The following NALF1 variants were observed in gnomAD, a reference collection of about 807,000 sequenced individuals.
NALF1 encodes the protein NALCN channel auxiliary factor 1, also known as family with sequence similarity 155 member A.
Under a neutral mutation model 48.4 loss-of-function variants are expected in NALF1, and 3 were observed. The observed-to-expected ratio is 0.06, with a 90% CI of 0.03 to 0.16. The LOEUF is 0.16. Among genes scored for constraint, NALF1 ranks in the 10% least tolerant of loss-of-function variants. The pLI, the probability that NALF1 is intolerant of heterozygous loss-of-function variation, is 1.00. For synonymous variants in NALF1, 262 were observed against 245.7 expected (o/e 1.07, Z -0.62); for missense variants, 526 against 571.5 (o/e 0.92, Z 0.81).
intron 1 of NALF1, among the ~76,000 whole-genome samples, chr13:107,613,002 G>GAAA (rs5806669): frequency 3.0e-5 from 4 of 132,940 alleles, no homozygotes; most frequent in Admixed American, 7.6e-5. Flanking sequence ...CCCACAATGA[G>GAAA]AAAAAAAAAA....
intron 1 of NALF1, among the ~76,000 whole-genome samples, chr13:107,302,064 C>A (rs1353927998): frequency 6.6e-6 from 1 of 152,158 alleles, no homozygotes; most frequent in East Asian, 1.9e-4. Flanking sequence ...TTAATCCATT[C>A]ATGAACTAAT....
At chr13:107,400,254 A>G (rs1729820197) in intron 1 of NALF1, among the ~76,000 whole-genome samples, 1 of 152,182 alleles carries the variant, frequency 6.6e-6, no homozygotes, top group South Asian at 2.1e-4. Flanking sequence ...AAGAGTAATT[A>G]TTTTTAAAAA....
intron 1 of NALF1, among the ~76,000 whole-genome samples, chr13:107,547,834 AAC>A (rs1877175796): frequency 6.6e-6 from 1 of 152,208 alleles, no homozygotes; most frequent in Non-Finnish European, 1.5e-5. Flanking sequence ...GGTAGAACAA[AAC>A]AGTGTTTAAA....
rs551154163 is a variant in NALF1, at chr13:107,761,679, G to C, written c.915+104003C>G. 2.4e-4 allele frequency among the ~76,000 whole-genome samples: 37 copies of C among 152,266 alleles called. 1 individual carries two copies. In the South Asian group the frequency reaches 7.5e-3, roughly 31 times the overall value. ...AGATGGAAACATTTAATGCCTATCA[G>C]CCATCTTTGAAATGAAATCACTCAT... On this transcript the variant is annotated intron_variant, in intron 1 of 2. Coordinates refer to ENST00000375915, the MANE Select transcript of NALF1 (RefSeq NM_001080396.3).
At chr13:107,735,515 T>C (rs183073485) in intron 1 of NALF1, among the ~76,000 whole-genome samples, 1 of 152,288 alleles carries the variant, frequency 6.6e-6, no homozygotes, top group Admixed American at 6.5e-5. Context: ...AATTCCCCCA[T>C]CTGCGCACAC....
At chr13:107,783,267 C>G (rs1435357264) in intron 1 of NALF1, among the ~76,000 whole-genome samples, 2 of 141,616 alleles carry the variant, frequency 1.4e-5, no homozygotes, top group Non-Finnish European at 1.6e-5. Context: ...CCCGGCCAGT[C>G]GCCCCGTCCG....
At chr13:107,742,410 G>C (rs1354697339) in intron 1 of NALF1, among the ~76,000 whole-genome samples, 2 of 152,172 alleles carry the variant, frequency 1.3e-5, no homozygotes, top group Non-Finnish European at 2.9e-5. Context: ...CCCAGGAGGG[G>C]ATAATTGAAT....
At chr13:107,468,967 C>T (rs1885052361) in intron 1 of NALF1, among the ~76,000 whole-genome samples, 1 of 151,992 alleles carries the variant, frequency 6.6e-6, no homozygotes, top group Non-Finnish European at 1.5e-5. Context: ...GTTGGTATGT[C>T]TTGCTGAATT....
chr13:107,763,597 T>G (rs1877331372), intron 1 of NALF1, among the ~76,000 whole-genome samples: 2 of 152,134 alleles, frequency 1.3e-5, no homozygotes, highest in African/African-American at 4.8e-5. Context: ...CTTTTGCTTG[T>G]CTTATACAAA....
intron 1 of NALF1, among the ~76,000 whole-genome samples, chr13:107,234,939 G>C (rs570890852): frequency 6.6e-6 from 1 of 152,208 alleles, no homozygotes; most frequent in East Asian, 1.9e-4. Flanking sequence ...ATGCTAACGA[G>C]CCACAGTACA....
Position 107,166,036 on chromosome 13 carries a change from GTGTGTA to G in NALF1, c.*4455_*4460del, listed in dbSNP as rs1214720228. The G allele has an allele frequency of 1.3e-5, 2 of 152,228 alleles. No individual in the cohort carries two copies. Among genetic ancestry groups the G allele is most frequent in the Admixed American group, 6.6e-5 (1 of 15,242 alleles). The allele number at this position is 152,228 out of a possible 1,614,324, so 9.4% of individuals were successfully genotyped here. A position where few individuals can be genotyped will look rare whatever the true frequency, so the allele number is the denominator to read the frequency against. On this transcript the variant is annotated 3_prime_UTR_variant, in exon 3 of 3. Transcript: ENST00000375915. ...TGTGTGTGTGTGTGTGTGTGTGTGT[GTGTGTA>G]TGTATATATATCTTTATATCTCTCT...
intron 1 of NALF1, among the ~76,000 whole-genome samples, chr13:107,432,328 A>C (rs531449663): frequency 2.6e-4 from 40 of 152,308 alleles, no homozygotes; most frequent in Middle Eastern, 3.4e-3. Flanking sequence ...CCTGGGGATC[A>C]TATTTGAGAT....
intron 1 of NALF1, among the ~76,000 whole-genome samples, chr13:107,680,324 A>C (rs1302622757): frequency 6.6e-6 from 1 of 152,216 alleles, no homozygotes; most frequent in East Asian, 1.9e-4. Flanking sequence ...GGCACCACCC[A>C]GTGGACAAGA....
chr13:107,211,424 C>T (rs1353463269), intron 1 of NALF1, among the ~76,000 whole-genome samples: 1 of 152,208 alleles, frequency 6.6e-6, no homozygotes, highest in Non-Finnish European at 1.5e-5. Context: ...GCCACAGCTT[C>T]AACCTTCTGG....
intron 1 of NALF1, among the ~76,000 whole-genome samples, chr13:107,354,252 G>A (rs1464615095): frequency 6.6e-6 from 1 of 152,176 alleles, no homozygotes; most frequent in Non-Finnish European, 1.5e-5. Context: ...TAGCATGGGT[G>A]GAGGTGAGAA....
intron 1 of NALF1, among the ~76,000 whole-genome samples, chr13:107,484,965 G>A (rs1489597009): frequency 6.6e-6 from 1 of 152,162 alleles, no homozygotes; most frequent in African/African-American, 2.4e-5. Context: ...AGTGGTCAAA[G>A]TACTTGAGCA....
chr13:107,830,392 C>T (rs1309306432), intron 1 of NALF1, among the ~76,000 whole-genome samples: 2 of 152,178 alleles, frequency 1.3e-5, no homozygotes, highest in Admixed American at 6.5e-5. Flanking sequence ...GTACATTTTA[C>T]ATTCCCACCA....
At chr13:107,730,752 T>A (rs1029299490) in intron 1 of NALF1, among the ~76,000 whole-genome samples, 7 of 152,168 alleles carry the variant, frequency 4.6e-5, no homozygotes, top group Non-Finnish European at 1.0e-4. Context: ...TCCAAATGAA[T>A]CACCACCAAT....
At chr13:107,507,741 T>C (rs968115570) in intron 1 of NALF1, among the ~76,000 whole-genome samples, 1 of 151,738 alleles carries the variant, frequency 6.6e-6, no homozygotes, top group Middle Eastern at 3.4e-3. Flanking sequence ...TTTCAAACAA[T>C]AGCCTGCTAT....
Sources: gnomAD v4.1 joint callset for allele counts (sites outside exome capture counted in the v4.1 genomes callset) on GRCh38, gnomAD v4.1.1 for gene constraint, MANE v1.5 for transcripts, NCBI Gene and HGNC (gene_info 2026-07-23, HGNC 2026-07-21) for gene names.